Variants in GLB1L3 observed in about 807,000 individuals in gnomAD.
GLB1L3 encodes the protein galactosidase beta 1 like 3.
GLB1L3 carries 89 observed loss-of-function variants against 89.5 expected under a neutral mutation model. That is an observed-to-expected ratio of 0.99 (90% confidence interval 0.84 to 1.19). The LOEUF (loss-of-function observed/expected upper bound fraction) is 1.19. Ranked by LOEUF, GLB1L3 falls within the 50% of genes most tolerant of loss-of-function variation. GLB1L3 has a pLI of 0.00. For missense variants in GLB1L3, 812 were observed against 813.3 expected (o/e 1.00, Z 0.02); for synonymous variants, 314 against 312.3 (o/e 1.01, Z -0.06).
At chr11:134,315,279 ATAAT>A (rs1156774290) in intron 18 of GLB1L3, among the ~76,000 whole-genome samples, 3 of 152,158 alleles carry the variant, frequency 2.0e-5, no homozygotes, top group South Asian at 4.1e-4. Context: ...TCTATGGTAA[ATAAT>A]TAAGACTTCG....
intron 2 of GLB1L3, 22 bp downstream of exon 2, chr11:134,277,473 C>A: frequency 1.9e-6 from 3 of 1,607,122 alleles, no homozygotes; most frequent in Non-Finnish European, 2.6e-6. Context: ...AGCTACATCC[C>A]TGGGGAGGGA....
At chr11:134,308,747 C>T (rs1194418270) in intron 10 of GLB1L3, among the ~76,000 whole-genome samples, 1 of 152,068 alleles carries the variant, frequency 6.6e-6, no homozygotes, top group Non-Finnish European at 1.5e-5. Context: ...CTTTTTTCCA[C>T]ATATATTACC....
chr11:134,281,245 A>G, intron 3 of GLB1L3, 132 bp from the exon 4 acceptor site: 1 of 1,032,330 alleles, frequency 9.7e-7, no homozygotes, highest in Non-Finnish European at 1.5e-6. Flanking sequence ...CAGAGGTTTA[A>G]TTTCCACTGG....
intron 5 of GLB1L3, among the ~76,000 whole-genome samples, chr11:134,283,415 T>C (rs764163173): frequency 1.3e-5 from 2 of 152,084 alleles, no homozygotes; most frequent in South Asian, 4.1e-4. Flanking sequence ...CACCAAAAGG[T>C]AGAAGAAAAA....
At chr11:134,305,284 C>T in intron 9 of GLB1L3, 1 of 676,598 alleles carries the variant, frequency 1.5e-6, no homozygotes, top group South Asian at 1.6e-5. Context: ...TATTCTGTAA[C>T]TGATAATAAA....
intron 9 of GLB1L3, among the ~76,000 whole-genome samples, chr11:134,297,117 T>A (rs1941694468): frequency 6.6e-6 from 1 of 152,128 alleles, no homozygotes; most frequent in South Asian, 2.1e-4. Flanking sequence ...TGATATTTTG[T>A]TGGAAGCTTG....
chr11:134,290,594 GA>G (rs928517505), intron 7 of GLB1L3, among the ~76,000 whole-genome samples: 2 of 111,826 alleles, frequency 1.8e-5, no homozygotes, highest in South Asian at 2.6e-4. Flanking sequence ...AAAAAGAAAA[GA>G]AAAAAAAAGA....
At chr11:134,284,316 C>T (rs976798178) in intron 6 of GLB1L3, among the ~76,000 whole-genome samples, 6 of 151,742 alleles carry the variant, frequency 4.0e-5, no homozygotes, top group African/African-American at 1.2e-4. Flanking sequence ...ATTATACACA[C>T]GTGTCTATGC....
chr11:134,301,880 A>G (rs1941965373), intron 9 of GLB1L3, among the ~76,000 whole-genome samples: 1 of 152,202 alleles, frequency 6.6e-6, no homozygotes, highest in Non-Finnish European at 1.5e-5. Flanking sequence ...TTTCAGACAT[A>G]CGGAGTTTTT....
intron 9 of GLB1L3, among the ~76,000 whole-genome samples, chr11:134,301,296 A>T (rs1294314998): frequency 2.6e-5 from 4 of 152,092 alleles, no homozygotes; most frequent in Non-Finnish European, 4.4e-5. Flanking sequence ...GATGGGATTT[A>T]TGTTTTTCCC....
intron 10 of GLB1L3, among the ~76,000 whole-genome samples, chr11:134,308,906 C>G (rs1045911307): frequency 1.3e-5 from 2 of 152,188 alleles, no homozygotes; most frequent in Non-Finnish European, 2.9e-5. Context: ...GACTCCCACT[C>G]TAAATGACTT....
At chr11:134,318,002 A>G (rs574328) in intron 18 of GLB1L3, among the ~76,000 whole-genome samples, 102,077 of 152,032 alleles carry the variant, frequency 0.67, 35,054 homozygotes, top group Admixed American at 0.78. Flanking sequence ...TTTACATATC[A>G]TTATCCATTG....
intron 17 of GLB1L3, 116 bp from the exon 18 acceptor site, chr11:134,314,214 C>T: frequency 6.7e-6 from 5 of 750,168 alleles, no homozygotes; most frequent in Non-Finnish European, 1.1e-5. Context: ...CGCATCTAGT[C>T]TACTCTATCT....
In GLB1L3 at chr11:134,319,043, C is replaced by G; in HGVS notation, c.*101C>G. 1.2e-6 allele frequency: 1 copy of G among 824,528 alleles called. No individual in the cohort carries two copies. Among genetic ancestry groups the G allele is most frequent in the African/African-American group, 1.7e-5 (1 of 58,990 alleles). 51.1% of individuals were successfully genotyped at this position (824,528 alleles called of 1,614,324 possible). ...AATCTCTGCTCACTGCAAGCTCAGCCTCTCGGGTTCACGCCATTCTCCTGC... is the reference window on the plus strand; with the variant it reads ...AATCTCTGCTCACTGCAAGCTCAGCGTCTCGGGTTCACGCCATTCTCCTGC... On this transcript the variant is annotated 3_prime_UTR_variant, in exon 20 of 20. Transcript: ENST00000431683.
At chr11:134,317,855 G>A (rs1943048150) in intron 18 of GLB1L3, among the ~76,000 whole-genome samples, 1 of 152,068 alleles carries the variant, frequency 6.6e-6, no homozygotes, top group African/African-American at 2.4e-5. Flanking sequence ...TCTTATGTAT[G>A]TTGTATATAC....
chr11:134,323,573 TAA>T (rs569392649), downstream of GLB1L3, among the ~76,000 whole-genome samples: 2 of 143,298 alleles, frequency 1.4e-5, no homozygotes, highest in Non-Finnish European at 3.1e-5. Flanking sequence ...AGACCCCGTC[TAA>T]AAAAAAAAAA....
intron 11 of GLB1L3, 33 bp downstream of exon 11, chr11:134,309,796 A>G: frequency 6.2e-7 from 1 of 1,608,300 alleles, no homozygotes; most frequent in Non-Finnish European, 8.5e-7. Context: ...CCTCTCCAGC[A>G]TGGGCGGTGC....
intron 7 of GLB1L3, among the ~76,000 whole-genome samples, chr11:134,291,458 C>G (rs1251189923): frequency 2.0e-5 from 3 of 152,110 alleles, no homozygotes; most frequent in Non-Finnish European, 2.9e-5. Context: ...GTTGGCCAAG[C>G]TGGTCTCAAA....
intron 9 of GLB1L3, among the ~76,000 whole-genome samples, chr11:134,297,845 G>C (rs1417289075): frequency 7.7e-6 from 1 of 129,922 alleles, no homozygotes; most frequent in African/African-American, 2.9e-5. Context: ...GGGTGACAGA[G>C]GGAGACTCTG....
Sources: allele counts gnomAD v4.1 joint callset (sites outside exome capture counted in the v4.1 genomes callset), GRCh38; gene constraint gnomAD v4.1.1; transcripts MANE v1.5; gene names NCBI Gene and HGNC (gene_info 2026-07-23, HGNC 2026-07-21).